Variants in SORCS2 observed in about 807,000 individuals in gnomAD.
SORCS2 encodes VPS10 domain-containing receptor SorCS2.
A neutral mutation model predicts 141.6 loss-of-function variants in SORCS2; 100 were observed. The ratio of observed to expected loss-of-function variants is 0.71; its 90% confidence interval spans 0.60 to 0.83. The LOEUF is 0.83. Among genes scored for constraint, SORCS2 ranks in the 40% least tolerant of loss-of-function variants. The probability of loss-of-function intolerance (pLI) is 0.00; values close to 1 mark genes in which losing one functional copy is unlikely to be tolerated. For missense variants in SORCS2, 1,646 were observed against 1,560.2 expected (o/e 1.05, Z -0.93); for synonymous variants, 789 against 676.9 (o/e 1.17, Z -2.57).
At chr4:7,543,637 C>T (rs369763920) in intron 3 of SORCS2, among the ~76,000 whole-genome samples, 105 of 130,596 alleles carry the variant, frequency 8.0e-4, no homozygotes, top group Middle Eastern at 4.1e-3. Context: ...TCCACCCATC[C>T]GTCCATCCGT....
chr4:7,390,076 C>T (rs1236614324), intron 1 of SORCS2, among the ~76,000 whole-genome samples: 1 of 152,146 alleles, frequency 6.6e-6, no homozygotes, highest in African/African-American at 2.4e-5. Flanking sequence ...GGGGGAGGCC[C>T]ACGGCTGTGC....
At position 7,193,068 on chromosome 4, in the gene SORCS2, T is replaced by C; in HGVS notation, c.422T>C (p.Leu141Pro). ...TCGCTCATCAGCACGTCGTTCGTGC[T>C]CAAGGGGGACGCGACGCACAACCAG... is the stretch of plus-strand genomic sequence containing the variant. The part of the protein sequence containing the change: ...QVSLISTSFV[L>P]KGDATHNQAM... Residue 141 changes from leucine (L) to proline (P), a missense_variant, in exon 1 of 27, where the codon CTC becomes CCC. Transcript: ENST00000507866. The surrounding 1 kb of genome is among the most constrained non-coding windows in gnomAD (Gnocchi z 4.8). 6.4e-7 allele frequency: 1 copy of C among 1,557,322 alleles called. No individual in the cohort carries two copies. Among genetic ancestry groups the C allele is most frequent in the Non-Finnish European group, 8.6e-7 (1 of 1,161,666 alleles).
rs187393656 is a variant in SORCS2 at position 7,408,406 on chromosome 4, C to T, written c.548+12051C>T. Among the ~76,000 whole-genome samples the T allele has an allele frequency of 2.0e-5, 3 of 151,698 alleles. No individual in the cohort carries two copies. In the East Asian group the frequency reaches 5.8e-4, roughly 29 times the overall value. Reference sequence around the variant, plus strand: ...TGACAGTTTTTTTTTTCTTTTAGCACTTTGAAAATGTCTTTCCACTCCTTC... The same window carrying T: ...TGACAGTTTTTTTTTTCTTTTAGCATTTTGAAAATGTCTTTCCACTCCTTC... On this transcript the variant is annotated intron_variant, in intron 2 of 26. Coordinates refer to ENST00000507866, the MANE Select transcript of SORCS2 (RefSeq NM_020777.3).
At chr4:7,532,071 TC>T (rs1019943759) in intron 3 of SORCS2, among the ~76,000 whole-genome samples, 6 of 152,222 alleles carry the variant, frequency 3.9e-5, no homozygotes, top group African/African-American at 1.4e-4. Context: ...CCTTGCTGTT[TC>T]CTGGGTCTGG....
At chr4:7,390,587 T>C (rs1489800355) in intron 1 of SORCS2, among the ~76,000 whole-genome samples, 1 of 152,182 alleles carries the variant, frequency 6.6e-6, no homozygotes, top group Admixed American at 6.5e-5. Context: ...AAGGAGCTTG[T>C]ACCCGGGGCC....
chr4:7,498,877 C>A (rs903348397), intron 2 of SORCS2, among the ~76,000 whole-genome samples: 4 of 152,212 alleles, frequency 2.6e-5, no homozygotes, highest in South Asian at 2.1e-4. Context: ...GAGCCCAGAG[C>A]CCTGTCACCC....
intron 2 of SORCS2, among the ~76,000 whole-genome samples, chr4:7,436,809 T>G (rs1029056653): frequency 1.3e-5 from 2 of 152,212 alleles, no homozygotes; most frequent in Non-Finnish European, 2.9e-5. Flanking sequence ...GAAGTAACGC[T>G]GCCCCGAACA....
intron 3 of SORCS2, among the ~76,000 whole-genome samples, chr4:7,565,829 ATGATGATGGTGATGG>A (rs1391001445): frequency 4.1e-5 from 3 of 72,960 alleles, no homozygotes; most frequent in African/African-American, 9.8e-5. Flanking sequence ...GGCAATGGTG[ATGATGATGGTGATGG>A]TGATGATGGT....
intron 1 of SORCS2, among the ~76,000 whole-genome samples, chr4:7,327,568 C>A (rs528680606): frequency 6.6e-6 from 1 of 152,254 alleles, no homozygotes. Context: ...CTGCTGGTCT[C>A]CCGGCTGCGT....
intron 1 of SORCS2, among the ~76,000 whole-genome samples, chr4:7,248,294 G>A (rs1713262130): frequency 6.6e-6 from 1 of 151,700 alleles, no homozygotes; most frequent in Non-Finnish European, 1.5e-5. Flanking sequence ...ACACGCTAAG[G>A]TTCCAGGCCG....
At chr4:7,510,645 TGG>T (rs1426063359) in intron 2 of SORCS2, among the ~76,000 whole-genome samples, 602 of 150,404 alleles carry the variant, frequency 4.0e-3, no homozygotes, top group Middle Eastern at 6.9e-3. Context: ...CGCCTTGTTC[TGG>T]GTGCGGCATG....
chr4:7,597,681 T>C (rs561581831), intron 3 of SORCS2, among the ~76,000 whole-genome samples: 79 of 124,328 alleles, frequency 6.4e-4, no homozygotes, highest in African/African-American at 2.5e-3. Context: ...AGGGAGGGGC[T>C]ACACAATGGG....
rs142492770 is a variant in SORCS2 at position 7,468,939 on chromosome 4, C to G, written c.549-62591C>G. 7.4e-3 allele frequency among the ~76,000 whole-genome samples: 1,126 copies of G among 152,292 alleles called. 9 individuals carry two copies. Among genetic ancestry groups the G allele is most frequent in the Non-Finnish European group, 0.013 (865 of 68,030 alleles). On this transcript the variant is annotated intron_variant, in intron 2 of 26. Coordinates refer to ENST00000507866, the MANE Select transcript of SORCS2 (RefSeq NM_020777.3). The stretch of plus-strand genomic sequence containing the variant: ...GTGTGACCTTGGACAAGTCACTTAA[C>G]CTCTCTGAACTGCAATGTGCTCATT...
At chr4:7,457,432 G>A (rs935926095) in intron 2 of SORCS2, among the ~76,000 whole-genome samples, 2 of 151,464 alleles carry the variant, frequency 1.3e-5, no homozygotes, top group Admixed American at 6.5e-5. Flanking sequence ...GGTGTGAGCT[G>A]CAGCCAGAGG....
intron 1 of SORCS2, among the ~76,000 whole-genome samples, chr4:7,309,257 G>A (rs1458196043): frequency 6.6e-6 from 1 of 152,234 alleles, no homozygotes; most frequent in Non-Finnish European, 1.5e-5. Flanking sequence ...GTCGCCCAGT[G>A]AATCGGAGAT....
At chr4:7,407,030 T>C (rs1426535079) in intron 2 of SORCS2, among the ~76,000 whole-genome samples, 1 of 152,140 alleles carries the variant, frequency 6.6e-6, no homozygotes, top group Non-Finnish European at 1.5e-5. Flanking sequence ...TTTTATTTAT[T>C]TGCGGTCAGA....
At chr4:7,231,198 A>T (rs1161745230) in intron 1 of SORCS2, among the ~76,000 whole-genome samples, 2 of 152,228 alleles carry the variant, frequency 1.3e-5, no homozygotes, top group Non-Finnish European at 2.9e-5. Context: ...AGCCTGGAAG[A>T]GCTGATGCTC....
At chr4:7,466,577 G>A (rs545585121) in intron 2 of SORCS2, among the ~76,000 whole-genome samples, 1 of 152,322 alleles carries the variant, frequency 6.6e-6, no homozygotes, top group Non-Finnish European at 1.5e-5. Context: ...TGGCTGCAGT[G>A]GAAACCCATG....
At chr4:7,319,330 C>T (rs1027253470) in intron 1 of SORCS2, among the ~76,000 whole-genome samples, 12 of 152,158 alleles carry the variant, frequency 7.9e-5, no homozygotes, top group Non-Finnish European at 1.6e-4. Context: ...ATGAATCGAG[C>T]TGGGTTTGGC....
Sources: allele counts gnomAD v4.1 joint callset (sites outside exome capture counted in the v4.1 genomes callset), GRCh38; gene constraint gnomAD v4.1.1; non-coding constraint Gnocchi (gnomAD v3.1); transcripts MANE v1.5; gene names NCBI Gene and HGNC (gene_info 2026-07-23, HGNC 2026-07-21).